ADAM22: variants seen among roughly 807,000 people sequenced by gnomAD.
ADAM22 encodes disintegrin and metalloproteinase domain-containing protein 22.
In ADAM22, 65 loss-of-function variants were observed where a neutral mutation model predicts 144.6. That is an observed-to-expected ratio of 0.45 (90% CI 0.37 to 0.55). The LOEUF is 0.55. Among genes scored for constraint, ADAM22 ranks in the 20% least tolerant of loss-of-function variants. ADAM22 has a pLI of 0.00. For synonymous variants in ADAM22, 391 were observed against 412.6 expected (o/e 0.95, Z 0.63); for missense variants, 974 against 1,184.9 (o/e 0.82, Z 2.61).
chr7:87,990,462 G>A (rs1227959589), intron 3 of ADAM22, among the ~76,000 whole-genome samples: 2 of 151,966 alleles, frequency 1.3e-5, no homozygotes, highest in Non-Finnish European at 2.9e-5. Context: ...TAATTATTAG[G>A]AGAACCAGAA....
chr7:87,934,636 C>G, intron 1 of ADAM22, 86 bp downstream of exon 1: 3 of 1,282,450 alleles, frequency 2.3e-6, no homozygotes, highest in Non-Finnish European at 3.2e-6. Context: ...AGGGGGCATC[C>G]CCATTTCCCG....
Position 88,153,582 on chromosome 7 carries a change from G to A in ADAM22, c.1787+256G>A, listed in dbSNP as rs146434123. Reference sequence around the variant, plus strand: ...TTTCTTACCTAGAAGACACCTTTTAGCATCTCAAAGGCAAAAGAACTTAAA... The same window carrying A: ...TTTCTTACCTAGAAGACACCTTTTAACATCTCAAAGGCAAAAGAACTTAAA... On this transcript the variant is annotated intron_variant, in intron 21 of 31. Transcript: ENST00000413139. Among the ~76,000 whole-genome samples the A allele has an allele frequency of 2.9e-4, 44 of 152,226 alleles. 1 individual carries two copies. In the East Asian group the frequency reaches 7.9e-3, roughly 27 times the overall value.
chr7:88,039,464 A>AAAAAAAAAAAAAAAAAAAATAT, intron 3 of ADAM22, among the ~76,000 whole-genome samples: 6 of 76,400 alleles, frequency 7.9e-5, no homozygotes, highest in Admixed American at 1.5e-4. Flanking sequence ...AAAAAAAAAA[A>AAAAAAAAAAAAAAAAAAAATAT]ATATATATAT....
intron 27 of ADAM22, among the ~76,000 whole-genome samples, chr7:88,181,267 T>C (rs1475723569): frequency 6.6e-6 from 1 of 152,186 alleles, no homozygotes; most frequent in Non-Finnish European, 1.5e-5. Flanking sequence ...TTGATACTTT[T>C]CATTTATATA....
At chr7:88,166,948 A>C (rs952280742) in intron 24 of ADAM22, among the ~76,000 whole-genome samples, 4 of 152,168 alleles carry the variant, frequency 2.6e-5, no homozygotes, top group Admixed American at 6.5e-5. Context: ...GAAGTAAGAA[A>C]ATTCTAGTGA....
At chr7:88,005,058 G>A (rs948664006) in intron 3 of ADAM22, among the ~76,000 whole-genome samples, 1 of 152,104 alleles carries the variant, frequency 6.6e-6, no homozygotes, top group African/African-American at 2.4e-5. Flanking sequence ...TGTTTGGGGG[G>A]CTGAGATGGG....
intron 2 of ADAM22, among the ~76,000 whole-genome samples, chr7:87,975,590 C>T (rs774863239): frequency 7.9e-5 from 12 of 152,152 alleles, no homozygotes; most frequent in Non-Finnish European, 1.5e-4. Flanking sequence ...ATGAGTTTCT[C>T]ATTGGGACAT....
At chr7:88,154,429 A>G (rs1322573404) in intron 21 of ADAM22, among the ~76,000 whole-genome samples, 1 of 152,114 alleles carries the variant, frequency 6.6e-6, no homozygotes, top group Admixed American at 6.6e-5. Flanking sequence ...AACTCATACC[A>G]TCATCAGCCA....
At chr7:88,034,016 G>C (rs1486369732) in intron 3 of ADAM22, among the ~76,000 whole-genome samples, 5 of 152,108 alleles carry the variant, frequency 3.3e-5, no homozygotes, top group Non-Finnish European at 7.4e-5. Context: ...AGTACTTCAA[G>C]AACCTGCTTG....
At chr7:87,960,805 T>G (rs1184807816) in intron 2 of ADAM22, among the ~76,000 whole-genome samples, 1 of 152,210 alleles carries the variant, frequency 6.6e-6, no homozygotes, top group African/African-American at 2.4e-5. Flanking sequence ...TAACTAACAC[T>G]AATGCAGTTT....
At chr7:88,034,758 C>G (rs1331261938) in intron 3 of ADAM22, among the ~76,000 whole-genome samples, 6 of 152,122 alleles carry the variant, frequency 3.9e-5, no homozygotes, top group Admixed American at 3.9e-4. Flanking sequence ...TTTAAATGCT[C>G]CTTCTGTGGG....
chr7:88,117,484 T>A (rs1297001219), intron 7 of ADAM22, among the ~76,000 whole-genome samples: 1 of 152,212 alleles, frequency 6.6e-6, no homozygotes, highest in African/African-American at 2.4e-5. Flanking sequence ...CTTCCAAGTC[T>A]TCACATGACA....
chr7:88,114,279 A>T (rs1827170294), intron 5 of ADAM22, among the ~76,000 whole-genome samples: 1 of 152,226 alleles, frequency 6.6e-6, no homozygotes. Context: ...CTAGCTCTCC[A>T]GATGACTTTT....
chr7:88,195,565 T>C (rs567836567), intron 31 of ADAM22, among the ~76,000 whole-genome samples: 108 of 152,226 alleles, frequency 7.1e-4, no homozygotes, highest in Non-Finnish European at 1.4e-3. Flanking sequence ...GCCCAGGCTA[T>C]AGTGCAATGT....
At chr7:87,990,284 G>A (rs1195955003) in intron 3 of ADAM22, among the ~76,000 whole-genome samples, 1 of 152,162 alleles carries the variant, frequency 6.6e-6, no homozygotes, top group Non-Finnish European at 1.5e-5. Flanking sequence ...TTGAACAGAA[G>A]TATACGATCT....
At chr7:88,008,980 C>T (rs1308125678) in intron 3 of ADAM22, among the ~76,000 whole-genome samples, 3 of 151,678 alleles carry the variant, frequency 2.0e-5, no homozygotes, top group Non-Finnish European at 4.4e-5. Context: ...CCAAACTTTC[C>T]AGTTAGCATG....
chr7:88,089,014 T>G (rs1819147418), intron 4 of ADAM22, among the ~76,000 whole-genome samples: 1 of 152,122 alleles, frequency 6.6e-6, no homozygotes, highest in Non-Finnish European at 1.5e-5. Flanking sequence ...ATTTTTTTTC[T>G]GAGTCCAGTG....
chr7:88,189,451 A>G (rs1849097097), intron 30 of ADAM22, among the ~76,000 whole-genome samples: 1 of 152,228 alleles, frequency 6.6e-6, no homozygotes, highest in Non-Finnish European at 1.5e-5. Flanking sequence ...CCTAGAGTGT[A>G]AGCATTCTTA....
chr7:88,100,185 C>A (rs4727153), intron 4 of ADAM22, among the ~76,000 whole-genome samples: 15 of 151,830 alleles, frequency 9.9e-5, no homozygotes, highest in Non-Finnish European at 2.1e-4. Flanking sequence ...CAAAATAAGT[C>A]TATTTAAAAA....
Sources: allele counts gnomAD v4.1 joint callset (sites outside exome capture counted in the v4.1 genomes callset), GRCh38; gene constraint gnomAD v4.1.1; transcripts MANE v1.5; gene names NCBI Gene and HGNC (gene_info 2026-07-23, HGNC 2026-07-21).